CCNY: variants seen among roughly 807,000 people sequenced by gnomAD.
CCNY encodes cyclin-Y.
A neutral mutation model predicts 42.8 loss-of-function variants in CCNY; 19 were observed. The observed-to-expected ratio is 0.44, with a 90% CI of 0.31 to 0.65. The LOEUF (loss-of-function observed/expected upper bound fraction) is 0.65. Ranked by LOEUF, CCNY falls within the 30% of genes least tolerant of loss-of-function variation. The probability of loss-of-function intolerance (pLI) is 0.07; values close to 1 mark genes in which losing one functional copy is unlikely to be tolerated. For synonymous variants in CCNY, 165 were observed against 162.7 expected (o/e 1.01, Z -0.11); for missense variants, 370 against 437.3 (o/e 0.85, Z 1.37).
upstream of CCNY, among the ~76,000 whole-genome samples, chr10:35,332,869 G>T (rs964217529): frequency 6.6e-6 from 1 of 152,200 alleles, no homozygotes. Context: ...CTCCCAAACT[G>T]CTGGGATTAC....
At position 35,337,098 on chromosome 10, in the gene CCNY, C is replaced by T; in HGVS notation, c.45C>T (p.Leu15=). Reference sequence around the variant, plus strand: ...GCTGCGTGTCGTCCAGTCCCAAGCTCCGGAGGAATGCCCACTCCCGGCTGG... The same window carrying T: ...GCTGCGTGTCGTCCAGTCCCAAGCTTCGGAGGAATGCCCACTCCCGGCTGG... The part of the protein sequence containing the change: ...TSCCVSSSPK[L]RRNAHSRLES... The change falls in exon 1 of 10, where the codon CTC becomes CTT. Residue 15 remains leucine (L), a synonymous_variant. Transcript: ENST00000374704. The T allele has an allele frequency of 6.3e-7, 1 of 1,595,536 alleles. No homozygotes were observed. The highest frequency in any genetic ancestry group is 1.1e-5 in the South Asian group (1 of 87,882).
intron 1 of CCNY, among the ~76,000 whole-genome samples, chr10:35,479,520 A>T (rs1839609626): frequency 1.4e-5 from 2 of 141,076 alleles, no homozygotes; most frequent in Non-Finnish European, 3.0e-5. Context: ...AAAACCAAAC[A>T]CCGCATATTC....
Position 35,248,823 on chromosome 10 carries a change from A to G in CCNY, c.-114+612A>G, listed in dbSNP as rs181384166. 3.6e-3 allele frequency among the ~76,000 whole-genome samples: 548 copies of G among 152,356 alleles called. 4 individuals are homozygous for G. Among genetic ancestry groups the G allele is most frequent in the African/African-American group, 0.012 (503 of 41,576 alleles). On this transcript the variant is annotated intron_variant, in intron 2 of 11. Transcript: ENST00000374706. ...CACCACACTCCAGCCTGAGCAACAC[A>G]GTGAGACGTTGTCTCTAAAAAAGAA...
intron 1 of CCNY, among the ~76,000 whole-genome samples, chr10:35,415,658 A>C (rs1462931116): frequency 6.6e-6 from 1 of 152,256 alleles, no homozygotes; most frequent in African/African-American, 2.4e-5. Flanking sequence ...GAGACAAGAA[A>C]GGATGCGAGT....
chr10:35,551,781 T>A (rs1841262999), intron 7 of CCNY, among the ~76,000 whole-genome samples: 1 of 152,248 alleles, frequency 6.6e-6, no homozygotes, highest in African/African-American at 2.4e-5. Context: ...CCAATCATTT[T>A]AATGATTTAA....
chr10:35,499,098 A>G (rs1278951978), intron 2 of CCNY, among the ~76,000 whole-genome samples: 2 of 152,062 alleles, frequency 1.3e-5, no homozygotes. Context: ...ATATGTGTTT[A>G]TAATATTCTT....
At chr10:35,279,911 C>T (rs753393629) in intron 3 of CCNY, among the ~76,000 whole-genome samples, 3 of 152,240 alleles carry the variant, frequency 2.0e-5, no homozygotes, top group Non-Finnish European at 2.9e-5. Flanking sequence ...CCCCCAGCTG[C>T]TTTTGCTAGC....
At chr10:35,277,594 C>T (rs866716243) in intron 3 of CCNY, among the ~76,000 whole-genome samples, 11 of 152,194 alleles carry the variant, frequency 7.2e-5, no homozygotes, top group African/African-American at 2.7e-4. Flanking sequence ...CTGAGCCTGT[C>T]GCTGTTTCTT....
chr10:35,464,315 A>G (rs1193876492), intron 1 of CCNY, among the ~76,000 whole-genome samples: 1 of 152,148 alleles, frequency 6.6e-6, no homozygotes, highest in African/African-American at 2.4e-5. Flanking sequence ...CTTCAAATCC[A>G]TCTACTTTTT....
At position 35,571,002 on chromosome 10, in the gene CCNY, C is replaced by G. The variant is rs1282979745; in HGVS notation, c.*1832C>G. The stretch of plus-strand genomic sequence containing the variant: ...TATGGGTACCAAAATCACCTTCTCT[C>G]TTCAAGTCAAAGTTGAATTTAGAAC... On this transcript the variant is annotated 3_prime_UTR_variant, in exon 10 of 10. Transcript: ENST00000374704. The G allele has an allele frequency of 6.6e-6, 1 of 152,270 alleles. No individual in the cohort carries two copies. Among genetic ancestry groups the G allele is most frequent in the Non-Finnish European group, 1.5e-5 (1 of 68,026 alleles). 9.4% of individuals were successfully genotyped at this position (152,270 alleles called of 1,614,324 possible). A position where few individuals can be genotyped will look rare whatever the true frequency, so the allele number is the denominator to read the frequency against.
chr10:35,530,190 C>T lies in CCNY; in HGVS notation c.526C>T (p.Arg176Trp), dbSNP rs371273756. ...PEQKQIYRFV[R>W]TLFSAAQLTA... ...GCAGAAGCAGATTTACCGGTTCGTT[C>T]GGACACTGTTCAGTGCTGCTCAGCT... Residue 176 changes from arginine to tryptophan, a missense_variant, in exon 7 of 10, where the codon CGG becomes TGG. This residue lies in a region of CCNY where 234 missense variants were observed against 313.1 expected (regional missense o/e 0.75). Transcript: ENST00000374704. The surrounding 1 kb of genome is among the most constrained non-coding windows in gnomAD (Gnocchi z 4.3). 2 of 1,614,208 alleles carry T rather than the reference C, an allele frequency of 1.2e-6. No individual in the cohort carries two copies. The highest frequency in any genetic ancestry group is 8.5e-7 in the Non-Finnish European group (1 of 1,180,032).
At chr10:35,431,798 G>C (rs1838417625) in intron 1 of CCNY, among the ~76,000 whole-genome samples, 1 of 152,038 alleles carries the variant, frequency 6.6e-6, no homozygotes, top group Non-Finnish European at 1.5e-5. Context: ...CACTCACAGG[G>C]TGTGGCCTTC....
At chr10:35,295,655 T>G (rs1383322887) in intron 3 of CCNY, among the ~76,000 whole-genome samples, 1 of 152,186 alleles carries the variant, frequency 6.6e-6, no homozygotes, top group Non-Finnish European at 1.5e-5. Flanking sequence ...TACTTGTCAT[T>G]TTGTGTCTGG....
At chr10:35,374,133 A>C (rs943813285) in intron 1 of CCNY, among the ~76,000 whole-genome samples, 2 of 152,244 alleles carry the variant, frequency 1.3e-5, no homozygotes, top group Non-Finnish European at 2.9e-5. Flanking sequence ...AACTCTGGAC[A>C]TATTGAATGA....
At chr10:35,284,132 C>T (rs1233012297) in intron 3 of CCNY, among the ~76,000 whole-genome samples, 1 of 152,062 alleles carries the variant, frequency 6.6e-6, no homozygotes, top group African/African-American at 2.4e-5. Context: ...TTGAGGTATG[C>T]TTTACAGATC....
In CCNY at chr10:35,435,351, A is replaced by G. The variant is rs1838505867; in HGVS notation, c.155-48053A>G. 2.0e-5 allele frequency among the ~76,000 whole-genome samples: 3 copies of G among 152,196 alleles called. No individual in the cohort carries two copies. The South Asian group carries it at 6.2e-4, about 32-fold the overall frequency. ...ACAGGCTTATTGTGAAATTGAAATA[A>G]GATAGGATGTACATAAAGGCCCCTT... On this transcript the variant is annotated intron_variant, in intron 1 of 9. Transcript: ENST00000374704.
chr10:35,475,723 GCAT>G (rs1192996357), intron 1 of CCNY, among the ~76,000 whole-genome samples: 1 of 149,424 alleles, frequency 6.7e-6, no homozygotes, highest in Non-Finnish European at 1.5e-5. Flanking sequence ...GGAAGAAACT[GCAT>G]CAACTAACGA....
At chr10:35,548,844 G>A (rs1026320387) in intron 7 of CCNY, among the ~76,000 whole-genome samples, 3 of 152,088 alleles carry the variant, frequency 2.0e-5, no homozygotes, top group Non-Finnish European at 4.4e-5. Context: ...TTGTTCAGGG[G>A]TTAACCGTAC....
intron 1 of CCNY, among the ~76,000 whole-genome samples, chr10:35,352,191 G>A (rs543287272): frequency 6.6e-6 from 1 of 152,310 alleles, no homozygotes; most frequent in Admixed American, 6.5e-5. Context: ...AGTGGTGTCA[G>A]TTCTTCAGTT....
Sources: allele counts gnomAD v4.1 joint callset (sites outside exome capture counted in the v4.1 genomes callset), GRCh38; gene constraint gnomAD v4.1.1; regional missense constraint gnomAD v4.1.1; non-coding constraint Gnocchi (gnomAD v3.1); transcripts MANE v1.5; gene names NCBI Gene and HGNC (gene_info 2026-07-23, HGNC 2026-07-21).